The following RYR3 variants were observed in gnomAD, a reference collection of about 807,000 sequenced individuals.
The protein encoded by RYR3 is brain ryanodine receptor-calcium release channel.
A neutral mutation model predicts 584.3 loss-of-function variants in RYR3; 207 were observed. The ratio of observed to expected loss-of-function variants is 0.35; its 90% CI spans 0.32 to 0.40. The LOEUF (loss-of-function observed/expected upper bound fraction) is 0.40, where lower values mean the gene tolerates loss of function less well. Among genes scored for constraint, RYR3 ranks in the 10% least tolerant of loss-of-function variants. RYR3 has a pLI of 1.00. For missense variants in RYR3, 5,616 were observed against 6,089.2 expected (o/e 0.92, Z 2.59); for synonymous variants, 2,416 against 2,248.5 (o/e 1.07, Z -2.11).
chr15:33,804,903 T>C (rs2076101597), intron 69 of RYR3, among the ~76,000 whole-genome samples: 1 of 152,192 alleles, frequency 6.6e-6, no homozygotes, highest in Admixed American at 6.5e-5. Context: ...GAATGCCCTA[T>C]GCCACACACA....
chr15:33,514,579 A>G (rs1290809378), intron 3 of RYR3, among the ~76,000 whole-genome samples: 3 of 150,874 alleles, frequency 2.0e-5, no homozygotes, highest in African/African-American at 7.3e-5. Context: ...CATGTCTTTG[A>G]TGAGCTATTT....
At position 33,530,601 on chromosome 15, in the gene RYR3, G is replaced by A. The variant is rs1208883752; in HGVS notation, c.289G>A (p.Gly97Arg). Reference protein sequence around the residue: ...GENGGEGAAQGGGHRTLLYGH... With the variant: ...GENGGEGAAQRGGHRTLLYGH... ...TTCCTCATTCCCACAGGCAGCACAA[G>A]GAGGTGGCCACAGGACCCTGTTATA... The change falls in exon 4 of 104, where the codon GGA becomes AGA. Residue 97 changes from glycine to arginine, a missense_variant. Physicochemically the swap from Gly to Arg is moderately radical, Grantham distance 125 (BLOSUM62 -2). Around this residue, in one of 9 missense-constraint regions of RYR3, gnomAD observed 1,284 missense variants for 1,344.6 expected, o/e 0.95. Transcript: ENST00000634891. 3 of 1,613,026 alleles carry A rather than the reference G, an allele frequency of 1.9e-6. No individual in the cohort carries two copies. The highest frequency in any genetic ancestry group is 8.5e-7 in the Non-Finnish European group (1 of 1,179,134).
At chr15:33,803,002 G>T (rs1054724444) in intron 69 of RYR3, among the ~76,000 whole-genome samples, 3 of 152,316 alleles carry the variant, frequency 2.0e-5, no homozygotes, top group Middle Eastern at 3.4e-3. Context: ...TATATAAGCT[G>T]CAGACAAGGG....
At chr15:33,395,147 C>T (rs552067066) in intron 1 of RYR3, among the ~76,000 whole-genome samples, 3 of 152,302 alleles carry the variant, frequency 2.0e-5, no homozygotes, top group Middle Eastern at 3.4e-3. Context: ...CTCAGTTACA[C>T]AAAGATGGTG....
At chr15:33,614,615 T>C (rs2060359428) in intron 19 of RYR3, among the ~76,000 whole-genome samples, 1 of 152,164 alleles carries the variant, frequency 6.6e-6, no homozygotes, top group South Asian at 2.1e-4. Flanking sequence ...TTCTCAGCCT[T>C]TCTGATATTT....
intron 1 of RYR3, among the ~76,000 whole-genome samples, chr15:33,449,635 A>G (rs980120362): frequency 6.6e-6 from 1 of 152,256 alleles, no homozygotes; most frequent in African/African-American, 2.4e-5. Context: ...GTGTTGTCCC[A>G]TGCTGAATAT....
intron 1 of RYR3, among the ~76,000 whole-genome samples, chr15:33,326,092 C>A (rs2140595446): frequency 6.6e-6 from 1 of 152,288 alleles, no homozygotes; most frequent in East Asian, 1.9e-4. Context: ...GTGTGAGCAA[C>A]CATGCCCGGC....
chr15:33,368,338 C>CTTTTTTTTTTTT (rs35491164), intron 1 of RYR3, among the ~76,000 whole-genome samples: 3 of 85,824 alleles, frequency 3.5e-5, no homozygotes, highest in East Asian at 4.2e-4. Context: ...GCCTTCCTGT[C>CTTTTTTTTTTTT]TTTTTTTTTT....
At chr15:33,648,349 CA>C (rs2062228411) in intron 30 of RYR3, among the ~76,000 whole-genome samples, 1 of 152,120 alleles carries the variant, frequency 6.6e-6, no homozygotes, top group African/African-American at 2.4e-5. Context: ...TGACAGACTA[CA>C]AATAAGAGCC....
chr15:33,378,696 G>T (rs1018459005), intron 1 of RYR3, among the ~76,000 whole-genome samples: 2 of 152,232 alleles, frequency 1.3e-5, no homozygotes, highest in African/African-American at 4.8e-5. Context: ...ATGTGCAGTG[G>T]CTCACGCCTG....
At chr15:33,351,493 T>C (rs1304378858) in intron 1 of RYR3, among the ~76,000 whole-genome samples, 2 of 149,032 alleles carry the variant, frequency 1.3e-5, no homozygotes. Flanking sequence ...TGATGAACAT[T>C]GATGCAAAAA....
chr15:33,557,356 C>A (rs757678117), intron 10 of RYR3, among the ~76,000 whole-genome samples: 5 of 152,176 alleles, frequency 3.3e-5, no homozygotes, highest in Non-Finnish European at 7.3e-5. Flanking sequence ...CAGACCGGGG[C>A]AACTATTGGT....
At chr15:33,722,579 C>G (rs781776478) in intron 43 of RYR3, 136 bp from the exon 44 acceptor site, 1 of 772,982 alleles carries the variant, frequency 1.3e-6, no homozygotes, top group Admixed American at 2.5e-5. Context: ...CTCCCACTGC[C>G]CACTTGACTG....
At chr15:33,507,183 T>C (rs1281564000) in intron 3 of RYR3, among the ~76,000 whole-genome samples, 3 of 152,236 alleles carry the variant, frequency 2.0e-5, no homozygotes, top group African/African-American at 7.2e-5. Context: ...TACTCACGTG[T>C]TGAGTGTACA....
intron 94 of RYR3, chr15:33,849,188 C>G (rs1333780242): frequency 6.6e-6 from 1 of 152,120 alleles, no homozygotes; most frequent in Non-Finnish European, 1.5e-5. Flanking sequence ...CTCGTCTTAA[C>G]GTAAGATTGA....
chr15:33,714,865 A>T (rs2067382508), intron 43 of RYR3, among the ~76,000 whole-genome samples: 1 of 152,192 alleles, frequency 6.6e-6, no homozygotes, highest in South Asian at 2.1e-4. Flanking sequence ...AAAGCAGGAA[A>T]CAGAGAAAAC....
chr15:33,779,961 A>C (rs2074282795), intron 64 of RYR3, among the ~76,000 whole-genome samples: 1 of 152,170 alleles, frequency 6.6e-6, no homozygotes, highest in Admixed American at 6.5e-5. Context: ...CAGTGAGCTG[A>C]TATCGCGCCA....
rs901332152 is a variant in RYR3, at chr15:33,359,190, A to G, written c.51+48094A>G. On this transcript the variant is annotated intron_variant, in intron 1 of 103. Transcript: ENST00000634891. ...ACCTCTTCTCTTCACAGCAACCAAC[A>G]TGATACTCTTAAAACACAGATAATA... 7.0e-4 allele frequency among the ~76,000 whole-genome samples: 106 copies of G among 152,306 alleles called. 1 individual carries two copies. The highest frequency in any genetic ancestry group is 3.4e-3 in the Middle Eastern group (1 of 294).
At chr15:33,587,092 C>T (rs533098672) in intron 16 of RYR3, among the ~76,000 whole-genome samples, 4 of 152,256 alleles carry the variant, frequency 2.6e-5, no homozygotes, top group Admixed American at 6.5e-5. Context: ...GACTGTATGA[C>T]ATGCATCAGC....
Sources: gnomAD v4.1 joint callset for allele counts (sites outside exome capture counted in the v4.1 genomes callset) on GRCh38, gnomAD v4.1.1 for gene constraint, gnomAD v4.1.1 regional missense constraint, MANE v1.5 for transcripts, NCBI Gene and HGNC (gene_info 2026-07-23, HGNC 2026-07-21) for gene names.